SLC27A6: variants seen among roughly 807,000 people sequenced by gnomAD.
SLC27A6 encodes solute carrier family 27 member 6.
In SLC27A6, 74 loss-of-function variants were observed where a neutral mutation model predicts 63.9. The ratio of observed to expected loss-of-function variants is 1.16; its 90% confidence interval spans 0.96 to 1.40. The LOEUF (loss-of-function observed/expected upper bound fraction) is 1.40. Ranked by LOEUF, SLC27A6 falls within the 40% of genes most tolerant of loss-of-function variation. The pLI is 0.00. For synonymous variants in SLC27A6, 287 were observed against 260.8 expected (o/e 1.10, Z -0.97); for missense variants, 794 against 732.9 (o/e 1.08, Z -0.96).
intron 6 of SLC27A6, among the ~76,000 whole-genome samples, chr5:129,026,038 G>A (rs1752233011): frequency 6.6e-6 from 1 of 152,154 alleles, no homozygotes; most frequent in Non-Finnish European, 1.5e-5. Flanking sequence ...GGGAAGTTGA[G>A]GTGGGAGGAT....
chr5:129,033,252 T>C lies in SLC27A6; in HGVS notation c.1830T>C (p.Asp610=). ...TTCTACTGACCAGGGAACTTTATGA[T>C]CAAATAATGTTAGGGGAAATAAAAC... ...SYVLLTRELY[D]QIMLGEIKL Residue 610 remains aspartate, a synonymous_variant, in exon 10 of 10, where the codon GAT becomes GAC. Transcript: ENST00000262462. 6.3e-7 allele frequency: 1 copy of C among 1,586,106 alleles called. No homozygotes were observed. Among genetic ancestry groups the C allele is most frequent in the Non-Finnish European group, 8.6e-7 (1 of 1,165,234 alleles).
intron 4 of SLC27A6, among the ~76,000 whole-genome samples, chr5:129,003,974 A>AAG (rs1202646342): frequency 1.3e-5 from 2 of 151,408 alleles, no homozygotes; most frequent in African/African-American, 2.4e-5. Context: ...TCTCAAAAAA[A>AAG]AAAAAAAAAA....
chr5:129,005,658 G>A (rs1751497279), intron 4 of SLC27A6, among the ~76,000 whole-genome samples: 1 of 139,182 alleles, frequency 7.2e-6, no homozygotes, highest in Non-Finnish European at 1.5e-5. Context: ...TGTCGCTCAG[G>A]CTGGAGTGCA....
chr5:128,971,731 G>A (rs1451880018), intron 1 of SLC27A6, among the ~76,000 whole-genome samples: 1 of 152,116 alleles, frequency 6.6e-6, no homozygotes, highest in African/African-American at 2.4e-5. Context: ...GCCAGTCTGT[G>A]TCTTTTCTTT....
At chr5:128,990,015 C>A (rs897476364) in intron 3 of SLC27A6, among the ~76,000 whole-genome samples, 18 of 151,474 alleles carry the variant, frequency 1.2e-4, no homozygotes, top group Admixed American at 1.2e-3. Context: ...AGTGAATATT[C>A]TTGGCTTCTA....
chr5:128,966,675 C>T (rs1749916208), intron 1 of SLC27A6, 57 bp downstream of exon 1: 2 of 1,372,148 alleles, frequency 1.5e-6, no homozygotes, highest in East Asian at 2.5e-5. Context: ...GCTTTCATAC[C>T]CTTTTTTTTT....
chr5:128,984,607 C>G (rs1750723546), intron 1 of SLC27A6, among the ~76,000 whole-genome samples: 1 of 152,178 alleles, frequency 6.6e-6, no homozygotes, highest in Non-Finnish European at 1.5e-5. Context: ...TCTCTCCCAC[C>G]CTCCCCCATT....
chr5:128,999,404 G>A (rs1442971779), intron 4 of SLC27A6, among the ~76,000 whole-genome samples: 5 of 151,996 alleles, frequency 3.3e-5, no homozygotes, highest in African/African-American at 1.2e-4. Flanking sequence ...CTAAATGTTG[G>A]CATGCCCCTG....
At chr5:129,029,839 A>G in intron 9 of SLC27A6, 132 bp downstream of exon 9, 1 of 725,128 alleles carries the variant, frequency 1.4e-6, no homozygotes, top group Non-Finnish European at 2.2e-6. Flanking sequence ...GAGTTGATGC[A>G]GATCGATGCC....
intron 1 of SLC27A6, among the ~76,000 whole-genome samples, chr5:128,978,239 AT>A (rs1750458970): frequency 6.6e-6 from 1 of 152,186 alleles, no homozygotes; most frequent in Non-Finnish European, 1.5e-5. Flanking sequence ...TATAGCCTGA[AT>A]GTGTATTTTT....
intron 1 of SLC27A6, among the ~76,000 whole-genome samples, chr5:128,977,472 T>G (rs1750429362): frequency 6.7e-6 from 1 of 148,902 alleles, no homozygotes; most frequent in Non-Finnish European, 1.5e-5. Flanking sequence ...AGGAAAGGGG[T>G]GGGGGAACAA....
At chr5:129,011,389 T>A (rs1751723288) in intron 4 of SLC27A6, among the ~76,000 whole-genome samples, 1 of 152,186 alleles carries the variant, frequency 6.6e-6, no homozygotes, top group South Asian at 2.1e-4. Flanking sequence ...GATTTGTAGT[T>A]CTCTGATGAT....
At chr5:129,027,078 G>A in intron 6 of SLC27A6, 55 bp from the exon 7 acceptor site, 2 of 1,359,084 alleles carry the variant, frequency 1.5e-6, no homozygotes, top group Non-Finnish European at 2.1e-6. Flanking sequence ...CATTCATGGT[G>A]TGTGTAACAA....
Position 128,966,102 on chromosome 5 carries a change from C to T in SLC27A6, c.-36C>T. 6.6e-7 allele frequency: 1 copy of T among 1,519,394 alleles called. No homozygotes were observed. The highest frequency in any genetic ancestry group is 8.8e-7 in the Non-Finnish European group (1 of 1,137,554). 94.1% of individuals were successfully genotyped at this position (1,519,394 alleles called of 1,614,324 possible). A position where few individuals can be genotyped will look rare whatever the true frequency, so the allele number is the denominator to read the frequency against. ...TGGAAGAGAAGGACGCTGGTGGGGG[C>T]TGAGATCAGAGCTGTCTTCTGGCCC... On this transcript the variant is annotated 5_prime_UTR_variant, in exon 1 of 10. Coordinates refer to ENST00000262462, the MANE Select transcript of SLC27A6 (RefSeq NM_001017372.3).
At chr5:129,032,774 C>T (rs1410378233) in intron 9 of SLC27A6, among the ~76,000 whole-genome samples, 3 of 151,922 alleles carry the variant, frequency 2.0e-5, no homozygotes, top group East Asian at 1.9e-4. Context: ...ATCTCCTTAG[C>T]ATCTTATGGC....
At chr5:129,012,627 T>C (rs1486849492) in intron 4 of SLC27A6, among the ~76,000 whole-genome samples, 1 of 152,118 alleles carries the variant, frequency 6.6e-6, no homozygotes, top group African/African-American at 2.4e-5. Flanking sequence ...TGTTGTTAGG[T>C]AAATAGAAAT....
intron 5 of SLC27A6, among the ~76,000 whole-genome samples, chr5:129,021,067 C>A (rs1465466044): frequency 6.6e-6 from 1 of 151,424 alleles, no homozygotes; most frequent in Non-Finnish European, 1.5e-5. Context: ...ACATAGCTTA[C>A]TTCCATCTCC....
intron 9 of SLC27A6, among the ~76,000 whole-genome samples, chr5:129,032,872 A>G (rs1457959283): frequency 1.3e-5 from 2 of 152,002 alleles, no homozygotes; most frequent in African/African-American, 4.8e-5. Flanking sequence ...TATTATGTTC[A>G]TAATTCTTAT....
intron 4 of SLC27A6, among the ~76,000 whole-genome samples, chr5:129,015,527 C>T (rs1751862070): frequency 6.6e-6 from 1 of 152,130 alleles, no homozygotes; most frequent in Non-Finnish European, 1.5e-5. Flanking sequence ...CTAATTACTG[C>T]TAAGCCTGGA....
Sources: gnomAD v4.1 joint callset for allele counts (sites outside exome capture counted in the v4.1 genomes callset) on GRCh38, gnomAD v4.1.1 for gene constraint, MANE v1.5 for transcripts, NCBI Gene and HGNC (gene_info 2026-07-23, HGNC 2026-07-21) for gene names.